CEP63: variants seen among roughly 807,000 people sequenced by gnomAD.
The protein encoded by CEP63 is centrosomal protein of 63 kDa.
Under a neutral mutation model 89.1 loss-of-function variants are expected in CEP63, and 84 were observed. The observed-to-expected ratio is 0.94, with a 90% CI of 0.79 to 1.13. CEP63 has a LOEUF of 1.13. CEP63 is among the 50% of genes most tolerant of loss of function. The pLI is 0.00. For missense variants in CEP63, 838 were observed against 813.3 expected (o/e 1.03, Z -0.37); for synonymous variants, 267 against 272.5 (o/e 0.98, Z 0.20).
chr3:134,577,815 C>T (rs577797626), downstream of CEP63, among the ~76,000 whole-genome samples: 2 of 152,152 alleles, frequency 1.3e-5, no homozygotes, highest in Admixed American at 6.5e-5. Flanking sequence ...TTGTTCCCCT[C>T]CCTGTGTCCC....
the CEP63 span, among the ~76,000 whole-genome samples, chr3:134,751,458 A>C: frequency 6.6e-6 from 1 of 152,176 alleles, no homozygotes; most frequent in Non-Finnish European, 1.5e-5. Flanking sequence ...AGGGGTTTTC[A>C]TACCTCAGCC....
the CEP63 span, among the ~76,000 whole-genome samples, chr3:134,662,080 C>T: frequency 3.3e-5 from 5 of 152,138 alleles, no homozygotes; most frequent in Non-Finnish European, 7.4e-5. Flanking sequence ...AGTTCGAGAC[C>T]AGCTGGGCCA....
At chr3:134,714,333 A>G in the CEP63 span, among the ~76,000 whole-genome samples, 7 of 152,190 alleles carry the variant, frequency 4.6e-5, no homozygotes, top group African/African-American at 1.7e-4. Context: ...AATTGTTACT[A>G]TGGAAGATGC....
the CEP63 span, among the ~76,000 whole-genome samples, chr3:134,658,284 T>C: frequency 6.6e-6 from 1 of 152,210 alleles, no homozygotes; most frequent in Admixed American, 6.5e-5. Flanking sequence ...GTGTGTGTAT[T>C]GTGTGTGCAT....
intron 3 of CEP63, among the ~76,000 whole-genome samples, chr3:134,524,037 C>T (rs996028208): frequency 3.3e-5 from 5 of 152,002 alleles, no homozygotes; most frequent in African/African-American, 1.2e-4. Context: ...AATGTTTTTC[C>T]ATTTGTTTGT....
intron 1 of CEP63, among the ~76,000 whole-genome samples, chr3:134,490,907 G>A (rs1207311226): frequency 6.6e-6 from 1 of 152,174 alleles, no homozygotes; most frequent in African/African-American, 2.4e-5. Flanking sequence ...TTAGGAGTAT[G>A]TAGAGATTGT....
chr3:134,552,521 A>G (rs949024353), intron 12 of CEP63: 1 of 153,528 alleles, frequency 6.5e-6, no homozygotes, highest in Non-Finnish European at 1.5e-5. Context: ...ATTTTTTTAT[A>G]TTATGTATGT....
chr3:134,705,334 G>C, the CEP63 span, among the ~76,000 whole-genome samples: 3 of 152,202 alleles, frequency 2.0e-5, no homozygotes, highest in Admixed American at 1.3e-4. Flanking sequence ...AAACCTGAGT[G>C]GGGGGTCTTA....
At chr3:134,758,244 C>T in the CEP63 span, among the ~76,000 whole-genome samples, 4 of 152,152 alleles carry the variant, frequency 2.6e-5, no homozygotes, top group African/African-American at 9.7e-5. Flanking sequence ...TTTCTCGGCT[C>T]ATACAGTACA....
intron 6 of CEP63, among the ~76,000 whole-genome samples, chr3:134,541,995 A>G (rs1398491939): frequency 6.6e-6 from 1 of 152,212 alleles, no homozygotes; most frequent in Middle Eastern, 3.2e-3. Context: ...TTAGAAGGCT[A>G]CTTTTTCTGT....
At chr3:134,619,068 G>A in the CEP63 span, 1 of 1,193,264 alleles carries the variant, frequency 8.4e-7, no homozygotes, top group South Asian at 1.2e-5. Flanking sequence ...GGCCTGGCAT[G>A]TGGGCAAAGG....
At chr3:134,705,194 A>C in the CEP63 span, among the ~76,000 whole-genome samples, 1 of 152,350 alleles carries the variant, frequency 6.6e-6, no homozygotes, top group African/African-American at 2.4e-5. Flanking sequence ...TTCTTAGCTC[A>C]CAGTTCTGTG....
At chr3:134,587,220 C>CA (rs144917280) in intron 10 of CEP63, among the ~76,000 whole-genome samples, 50,468 of 151,802 alleles carry the variant, frequency 0.33, 8,701 homozygotes, top group African/African-American at 0.41. Context: ...ATTCTCTGTC[C>CA]AGTTTTTTTC....
chr3:134,677,843 A>G, the CEP63 span, among the ~76,000 whole-genome samples: 8 of 151,428 alleles, frequency 5.3e-5, no homozygotes, highest in African/African-American at 1.9e-4. Flanking sequence ...CCTTCCCTTC[A>G]CATAGTCATG....
the CEP63 span, among the ~76,000 whole-genome samples, chr3:134,630,526 A>G: frequency 6.6e-6 from 1 of 152,220 alleles, no homozygotes; most frequent in South Asian, 2.1e-4. Context: ...TGGGTCATGA[A>G]GAGGAGGGAG....
At chr3:134,759,150 A>G in the CEP63 span, among the ~76,000 whole-genome samples, 1 of 152,240 alleles carries the variant, frequency 6.6e-6, no homozygotes, top group African/African-American at 2.4e-5. Flanking sequence ...CCTTGGTTTT[A>G]GACTTCTGAC....
chr3:134,740,811 G>C, the CEP63 span, among the ~76,000 whole-genome samples: 1 of 152,144 alleles, frequency 6.6e-6, no homozygotes, highest in Non-Finnish European at 1.5e-5. Context: ...AGCAACGAGG[G>C]CCGACCCCAG....
the CEP63 span, chr3:134,619,363 G>A: frequency 8.1e-6 from 7 of 868,500 alleles, no homozygotes; most frequent in South Asian, 2.7e-5. Context: ...ACCAGCCCCA[G>A]GAAACTACAG....
the CEP63 span, among the ~76,000 whole-genome samples, chr3:134,742,576 G>A: frequency 3.3e-5 from 5 of 152,290 alleles, no homozygotes; most frequent in African/African-American, 1.2e-4. Flanking sequence ...ACTGTAGACT[G>A]TGCTGGGAAT....
Sources: allele counts gnomAD v4.1 joint callset (sites outside exome capture counted in the v4.1 genomes callset), GRCh38; gene constraint gnomAD v4.1.1; transcripts MANE v1.5; gene names NCBI Gene and HGNC (gene_info 2026-07-23, HGNC 2026-07-21).